Variants in INPP4B observed in about 807,000 individuals in gnomAD.
The protein encoded by INPP4B is inositol polyphosphate-4-phosphatase type II B.
In INPP4B, 55 loss-of-function variants were observed where a neutral mutation model predicts 122.5. The observed-to-expected ratio is 0.45, with a 90% CI of 0.36 to 0.56. The LOEUF (loss-of-function observed/expected upper bound fraction) is 0.56. INPP4B is among the 20% of genes least tolerant of loss of function. The pLI is 0.00. For synonymous variants in INPP4B, 403 were observed against 388.7 expected (o/e 1.04, Z -0.43); for missense variants, 1,000 against 1,097.7 (o/e 0.91, Z 1.26).
chr4:142,489,761 A>G (rs1821634154), intron 2 of INPP4B, among the ~76,000 whole-genome samples: 1 of 152,090 alleles, frequency 6.6e-6, no homozygotes, highest in South Asian at 2.1e-4. Context: ...TAAAAATACT[A>G]TGGGCATTTG....
At chr4:142,596,162 TAA>T (rs1295354905) in intron 2 of INPP4B, among the ~76,000 whole-genome samples, 1 of 152,058 alleles carries the variant, frequency 6.6e-6, no homozygotes, top group Non-Finnish European at 1.5e-5. Flanking sequence ...TTTTTTTTAA[TAA>T]AAAAAGACCA....
chr4:142,029,034 T>A, intron 25 of INPP4B, 120 bp from the exon 26 acceptor site: 1 of 1,301,068 alleles, frequency 7.7e-7, no homozygotes, highest in Non-Finnish European at 9.9e-7. Context: ...CAACTCTACA[T>A]TTTTTTTTTC....
At chr4:142,816,212 T>C (rs1379888069) in intron 1 of INPP4B, among the ~76,000 whole-genome samples, 1 of 152,170 alleles carries the variant, frequency 6.6e-6, no homozygotes, top group Non-Finnish European at 1.5e-5. Context: ...TGTATTTCTA[T>C]TCTTCATTTT....
intron 1 of INPP4B, among the ~76,000 whole-genome samples, chr4:142,783,098 G>A (rs1440587268): frequency 6.6e-6 from 1 of 151,784 alleles, no homozygotes; most frequent in Non-Finnish European, 1.5e-5. Flanking sequence ...CAGGACATAG[G>A]CATGGGCAAG....
intron 9 of INPP4B, among the ~76,000 whole-genome samples, chr4:142,297,655 T>C (rs1228215447): frequency 1.3e-5 from 2 of 152,222 alleles, no homozygotes; most frequent in Non-Finnish European, 1.5e-5. Context: ...ATGCTTCCTA[T>C]ACAGTCTGCA....
chr4:142,128,166 T>A (rs1579004642), intron 18 of INPP4B, among the ~76,000 whole-genome samples: 1 of 151,926 alleles, frequency 6.6e-6, no homozygotes, highest in Non-Finnish European at 1.5e-5. Flanking sequence ...GTCCTCCTGA[T>A]AAAGATGAAG....
In INPP4B at chr4:142,212,226, G is replaced by A. The variant is rs1470300680; in HGVS notation, c.837-3200C>T. On this transcript the variant is annotated intron_variant, in intron 12 of 25. Coordinates refer to ENST00000262992, the MANE Select transcript of INPP4B (RefSeq NM_001101669.3). Reference sequence around the variant, plus strand: ...GAGTTTAAGTACAGTCCTTTAGAGTGATGGCAATGTGCGATTCCCCAGAGA... The same window carrying A: ...GAGTTTAAGTACAGTCCTTTAGAGTAATGGCAATGTGCGATTCCCCAGAGA... Among the ~76,000 whole-genome samples, 7 of 152,220 alleles carry A rather than the reference G, an allele frequency of 4.6e-5. No individual in the cohort carries two copies. The East Asian group carries it at 1.4e-3, about 30-fold the overall frequency.
chr4:142,101,708 T>C (rs1784549441), intron 23 of INPP4B, among the ~76,000 whole-genome samples: 1 of 152,172 alleles, frequency 6.6e-6, no homozygotes, highest in Non-Finnish European at 1.5e-5. Context: ...TTTACCCTCA[T>C]GTGTATCAAT....
At chr4:142,320,551 T>C (rs1266291401) in intron 7 of INPP4B, among the ~76,000 whole-genome samples, 5 of 152,236 alleles carry the variant, frequency 3.3e-5, no homozygotes, top group African/African-American at 9.6e-5. Context: ...TTTGGTTACA[T>C]GGATAATTTC....
chr4:142,571,227 C>A (rs1259800558), intron 2 of INPP4B, among the ~76,000 whole-genome samples: 1 of 151,932 alleles, frequency 6.6e-6, no homozygotes, highest in African/African-American at 2.4e-5. Flanking sequence ...TCCTCCCACT[C>A]ATTTTTAATC....
chr4:142,660,192 C>T (rs114825116), intron 2 of INPP4B, among the ~76,000 whole-genome samples: 2 of 152,148 alleles, frequency 1.3e-5, no homozygotes, highest in African/African-American at 4.8e-5. Context: ...CCCTCCCCAT[C>T]CCCCACTTCA....
chr4:142,054,180 T>C (rs1050875210), intron 25 of INPP4B, among the ~76,000 whole-genome samples: 4 of 151,830 alleles, frequency 2.6e-5, no homozygotes, highest in African/African-American at 9.7e-5. Context: ...CTCTGTTAAG[T>C]ATAAAGTAAA....
intron 7 of INPP4B, among the ~76,000 whole-genome samples, chr4:142,373,814 G>A (rs977157435): frequency 1.9e-4 from 29 of 151,830 alleles, no homozygotes; most frequent in African/African-American, 7.0e-4. Context: ...TCCCAGTTGA[G>A]AGCTTTCCTG....
chr4:142,169,885 G>T (rs1824713033), intron 16 of INPP4B, among the ~76,000 whole-genome samples: 1 of 151,612 alleles, frequency 6.6e-6, no homozygotes, highest in African/African-American at 2.4e-5. Flanking sequence ...GGATAATAAT[G>T]ACTTATTAAA....
chr4:142,802,977 C>G (rs1778206210), intron 1 of INPP4B, among the ~76,000 whole-genome samples: 1 of 151,720 alleles, frequency 6.6e-6, no homozygotes, highest in Non-Finnish European at 1.5e-5. Context: ...CGAGACCAGC[C>G]TGGCCAACAT....
intron 9 of INPP4B, among the ~76,000 whole-genome samples, chr4:142,289,593 T>G (rs2150949705): frequency 6.6e-6 from 1 of 152,312 alleles, no homozygotes; most frequent in African/African-American, 2.4e-5. Context: ...TGTCCCTGTG[T>G]TCTCATCATT....
intron 1 of INPP4B, among the ~76,000 whole-genome samples, chr4:142,835,433 T>A (rs1198090442): frequency 1.3e-5 from 2 of 152,208 alleles, no homozygotes; most frequent in Non-Finnish European, 2.9e-5. Flanking sequence ...TAGTATATAG[T>A]TATGCAGCAT....
intron 5 of INPP4B, among the ~76,000 whole-genome samples, chr4:142,425,716 C>T (rs1164758611): frequency 6.6e-6 from 1 of 151,946 alleles, no homozygotes; most frequent in Non-Finnish European, 1.5e-5. Flanking sequence ...AGTGCCTCTC[C>T]CCCAGATATG....
At chr4:142,598,087 C>T (rs2150282242) in intron 2 of INPP4B, among the ~76,000 whole-genome samples, 1 of 152,260 alleles carries the variant, frequency 6.6e-6, no homozygotes, top group African/African-American at 2.4e-5. Flanking sequence ...TAGGAGAGGA[C>T]ACTAGAGTCC....
Sources: allele counts gnomAD v4.1 joint callset (sites outside exome capture counted in the v4.1 genomes callset), GRCh38; gene constraint gnomAD v4.1.1; transcripts MANE v1.5; gene names NCBI Gene and HGNC (gene_info 2026-07-23, HGNC 2026-07-21).